Variants in RARB observed in about 807,000 individuals in gnomAD.
The protein encoded by RARB is HBV-activated protein.
A neutral mutation model predicts 51.9 loss-of-function variants in RARB; 17 were observed. The ratio of observed to expected loss-of-function variants is 0.33; its 90% confidence interval spans 0.22 to 0.49. RARB has a LOEUF of 0.49. RARB is among the 20% of genes least tolerant of loss of function. The probability of loss-of-function intolerance (pLI) is 0.99; values close to 1 mark genes in which losing one functional copy is unlikely to be tolerated. For missense variants in RARB, 369 were observed against 550.8 expected (o/e 0.67, Z 3.30); for synonymous variants, 215 against 195.4 (o/e 1.10, Z -0.84).
chr3:25,142,371 A>G (rs1700120655), intron 4 of RARB, among the ~76,000 whole-genome samples: 1 of 152,130 alleles, frequency 6.6e-6, no homozygotes, highest in Admixed American at 6.5e-5. Flanking sequence ...TTGAGATGCA[A>G]CTCAGAACCA....
intron 2 of RARB, among the ~76,000 whole-genome samples, chr3:24,894,852 C>A (rs1185009794): frequency 6.6e-6 from 1 of 151,998 alleles, no homozygotes; most frequent in Non-Finnish European, 1.5e-5. Context: ...CCAATGTGAG[C>A]AAAATAATGT....
At chr3:25,420,399 C>CTTGG (rs1409648032) in intron 5 of RARB, among the ~76,000 whole-genome samples, 1 of 152,170 alleles carries the variant, frequency 6.6e-6, no homozygotes, top group Admixed American at 6.5e-5. Flanking sequence ...GCTAATAGAA[C>CTTGG]TTGGCTTCAT....
rs371919841 is a variant in RARB at position 25,126,540 on chromosome 3, T to C, written c.-327-5621T>C. On this transcript the variant is annotated intron_variant, in intron 3 of 11. Coordinates refer to the RARB transcript ENST00000383772. Reference sequence around the variant, plus strand: ...GCTTCCAGTCTGCTAGAATGTCTCTTTGCACCTGCATTTCAAACTTTCATG... The same window carrying C: ...GCTTCCAGTCTGCTAGAATGTCTCTCTGCACCTGCATTTCAAACTTTCATG... 1.6e-4 allele frequency among the ~76,000 whole-genome samples: 24 copies of C among 152,272 alleles called. No individual in the cohort carries two copies. In the South Asian group the frequency reaches 4.8e-3, roughly 30 times the overall value.
chr3:25,548,641 A>AC lies in RARB; in HGVS notation c.449-21116dup, dbSNP rs751440510. Among the ~76,000 whole-genome samples the AC allele has an allele frequency of 2.0e-3, 252 of 127,766 alleles. 2 individuals are homozygous for AC. The highest frequency in any genetic ancestry group is 6.5e-3 in the African/African-American group (228 of 35,006). The allele number at this position is 127,766 out of a possible 152,430, so 83.8% of individuals were successfully genotyped here. On this transcript the variant is annotated intron_variant, in intron 3 of 7. Transcript: ENST00000330688. ...TTGCCAGAAAACTTGACCTCCCCCG[A>AC]CAAAAAAAAAAAAAAAAAAAACCTT...
chr3:25,235,029 C>T (rs1452491532), intron 5 of RARB, among the ~76,000 whole-genome samples: 1 of 152,112 alleles, frequency 6.6e-6, no homozygotes, highest in Non-Finnish European at 1.5e-5. Flanking sequence ...AGGGGGCCCC[C>T]TTTTTGGATC....
At chr3:24,881,065 A>T (rs1005144933) in intron 2 of RARB, among the ~76,000 whole-genome samples, 1 of 152,134 alleles carries the variant, frequency 6.6e-6, no homozygotes, top group Admixed American at 6.5e-5. Flanking sequence ...TGCTGTTCTC[A>T]TGATAGTGAG....
chr3:25,444,341 G>T (rs1485938889), intron 1 of RARB, among the ~76,000 whole-genome samples: 1 of 152,170 alleles, frequency 6.6e-6, no homozygotes. Flanking sequence ...AGAGGGATGG[G>T]GAAGATTAGA....
intron 1 of RARB, among the ~76,000 whole-genome samples, chr3:24,833,997 A>G (rs1702312661): frequency 2.0e-5 from 3 of 152,232 alleles, no homozygotes; most frequent in Admixed American, 2.0e-4. Context: ...TAGTATCACT[A>G]TTTAAAGATA....
chr3:25,493,851 C>A (rs550297445), intron 2 of RARB, among the ~76,000 whole-genome samples: 8 of 152,164 alleles, frequency 5.3e-5, no homozygotes, highest in Non-Finnish European at 1.2e-4. Context: ...ACATTCCACA[C>A]ATGTTAAACC....
chr3:25,553,624 G>A lies in RARB; in HGVS notation c.449-16134G>A, dbSNP rs183356565. Among the ~76,000 whole-genome samples, 32 of 152,194 alleles carry A rather than the reference G, an allele frequency of 2.1e-4. 1 individual carries two copies. Among genetic ancestry groups the A allele is most frequent in the Admixed American group, 1.2e-3 (18 of 15,284 alleles). On this transcript the variant is annotated intron_variant, in intron 3 of 7. Coordinates refer to ENST00000330688, the MANE Select transcript of RARB (RefSeq NM_000965.5). ...ACCCCCTTGGAGTATCTTACATGTC[G>A]ACACTCCCTTGGCCTTGATAACATC... is the stretch of plus-strand genomic sequence containing the variant.
At chr3:25,380,705 G>A (rs758222987) in intron 5 of RARB, among the ~76,000 whole-genome samples, 2 of 152,176 alleles carry the variant, frequency 1.3e-5, no homozygotes, top group African/African-American at 4.8e-5. Flanking sequence ...GAAGAATGTT[G>A]ATATAGCTTA....
At chr3:25,191,428 G>A (rs79702343) in intron 5 of RARB, among the ~76,000 whole-genome samples, 89 of 152,096 alleles carry the variant, frequency 5.9e-4, no homozygotes, top group African/African-American at 2.0e-3. Context: ...AAATTGTCCC[G>A]TGCTAAGAGC....
rs944176456 is a variant in RARB, at chr3:25,054,586, T to A, written c.-379-5539T>A. 4.5e-4 allele frequency among the ~76,000 whole-genome samples: 68 copies of A among 152,056 alleles called. 1 individual carries two copies. The highest frequency in any genetic ancestry group is 2.6e-4 in the Admixed American group (4 of 15,270). ...AGTCAGAAAGGCTGACTCTCAACAG[T>A]GTGTATATAAATATTTCCTAGCACT... On this transcript the variant is annotated intron_variant, in intron 2 of 11. Transcript: ENST00000383772.
chr3:25,262,044 G>C (rs1322061002), intron 5 of RARB, among the ~76,000 whole-genome samples: 1 of 152,080 alleles, frequency 6.6e-6, no homozygotes, highest in Non-Finnish European at 1.5e-5. Context: ...GCCCTCTGGG[G>C]CTTCCTTTTT....
chr3:25,396,235 G>A (rs1361301770), intron 5 of RARB, among the ~76,000 whole-genome samples: 1 of 152,232 alleles, frequency 6.6e-6, no homozygotes, highest in African/African-American at 2.4e-5. Flanking sequence ...CTCAGCCATG[G>A]ATACCAGCAC....
At chr3:25,411,397 C>A (rs1431771389) in intron 5 of RARB, among the ~76,000 whole-genome samples, 2 of 152,212 alleles carry the variant, frequency 1.3e-5, no homozygotes, top group Non-Finnish European at 2.9e-5. Context: ...CCTCAACTCA[C>A]AAGGTAATCC....
intron 5 of RARB, among the ~76,000 whole-genome samples, chr3:25,245,222 G>C (rs1702528779): frequency 6.6e-6 from 1 of 152,100 alleles, no homozygotes; most frequent in African/African-American, 2.4e-5. Flanking sequence ...TGGGTCTCCT[G>C]AATACACCAC....
chr3:25,250,512 T>C (rs1575257201), intron 5 of RARB, among the ~76,000 whole-genome samples: 1 of 152,102 alleles, frequency 6.6e-6, no homozygotes, highest in Admixed American at 6.6e-5. Context: ...GGATAGCATC[T>C]CATGGCACTT....
chr3:25,323,257 G>C (rs972941866), intron 5 of RARB, among the ~76,000 whole-genome samples: 3 of 152,232 alleles, frequency 2.0e-5, no homozygotes, highest in Admixed American at 2.0e-4. Flanking sequence ...CACAGGACCA[G>C]CTCAGAATGA....
Sources: allele counts gnomAD v4.1 joint callset (sites outside exome capture counted in the v4.1 genomes callset), GRCh38; gene constraint gnomAD v4.1.1; transcripts MANE v1.5; gene names NCBI Gene and HGNC (gene_info 2026-07-23, HGNC 2026-07-21).